ABCB9: variants seen among roughly 807,000 people sequenced by gnomAD.
ABCB9 encodes the protein ABC-type oligopeptide transporter ABCB9.
Under a neutral mutation model 62.0 loss-of-function variants are expected in ABCB9, and 36 were observed. That is an observed-to-expected ratio of 0.58 (90% CI 0.45 to 0.77). The LOEUF is 0.77. Among genes scored for constraint, ABCB9 ranks in the 30% least tolerant of loss-of-function variants. The probability of loss-of-function intolerance (pLI) is 0.00; values close to 1 mark genes in which losing one functional copy is unlikely to be tolerated. For synonymous variants in ABCB9, 435 were observed against 461.4 expected (o/e 0.94, Z 0.73); for missense variants, 943 against 1,054.7 (o/e 0.89, Z 1.47).
At chr12:122,967,297 C>T (rs1168664451), upstream of ABCB9, among the ~76,000 whole-genome samples, 8 of 152,202 alleles carry the variant, frequency 5.3e-5, no homozygotes, top group Non-Finnish European at 8.8e-5. Context: ...GGTGAGAAGG[C>T]GTGAGCCACG....
intron 2 of ABCB9, among the ~76,000 whole-genome samples, chr12:122,957,966 T>C (rs754513209): frequency 6.6e-6 from 1 of 151,072 alleles, no homozygotes; most frequent in African/African-American, 2.4e-5. Context: ...ACTCAGGAGT[T>C]TGAGACTAGC....
At chr12:122,968,110 A>C (rs78893509), upstream of ABCB9, among the ~76,000 whole-genome samples, 84 of 152,334 alleles carry the variant, frequency 5.5e-4, no homozygotes, top group African/African-American at 1.9e-3. Flanking sequence ...ATATAAAGGT[A>C]TGGAATGACC....
At chr12:122,934,007 G>A (rs1384439581) in intron 10 of ABCB9, among the ~76,000 whole-genome samples, 3 of 152,174 alleles carry the variant, frequency 2.0e-5, no homozygotes, top group Admixed American at 6.5e-5. Flanking sequence ...ACTTTGGGAA[G>A]CCAAGGCAGG....
intron 1 of ABCB9, chr12:122,974,580 T>TA (rs2135948321): frequency 6.6e-6 from 1 of 152,432 alleles, no homozygotes; most frequent in South Asian, 2.1e-4. Context: ...AGGCTCGGTC[T>TA]GCAAGAGTTG....
chr12:122,953,064 G>A (rs2036440639), intron 2 of ABCB9: 1 of 152,208 alleles, frequency 6.6e-6, no homozygotes, highest in African/African-American at 2.4e-5. Context: ...GCATGATTGA[G>A]CCGCTAGCAG....
chr12:122,937,816 C>G (rs2035537437), intron 9 of ABCB9, among the ~76,000 whole-genome samples: 1 of 151,066 alleles, frequency 6.6e-6, no homozygotes, highest in Non-Finnish European at 1.5e-5. Context: ...AAACGGTGCT[C>G]CCTTAATAGT....
intron 2 of ABCB9, among the ~76,000 whole-genome samples, chr12:122,953,483 G>T (rs1460535840): frequency 1.3e-5 from 2 of 152,158 alleles, no homozygotes; most frequent in East Asian, 1.9e-4. Flanking sequence ...TGCCACCTGG[G>T]TTCAAGTGAT....
chr12:122,960,134 G>A lies in ABCB9; in HGVS notation c.102C>T (p.Leu34=). Residue 34 remains leucine (L), a synonymous_variant, in exon 2 of 12, where the codon CTC becomes CTT. Coordinates refer to ENST00000280560, the MANE Select transcript of ABCB9 (RefSeq NM_019625.4). ...IYVFSHLDRS[L]LEDIRHFNIF... ...TGTTGAAGTGGCGGATGTCCTCCAGGAGGCTGCGGTCCAGGTGGCTGAAGA... is the reference window on the plus strand; with the variant it reads ...TGTTGAAGTGGCGGATGTCCTCCAGAAGGCTGCGGTCCAGGTGGCTGAAGA... The A allele has an allele frequency of 6.2e-7, 1 of 1,613,750 alleles. No homozygotes were observed. Among genetic ancestry groups the A allele is most frequent in the Non-Finnish European group, 8.5e-7 (1 of 1,180,042 alleles).
At position 122,944,469 on chromosome 12, in the gene ABCB9, A is replaced by T; in HGVS notation, c.1302T>A (p.Leu434=). 1 of 1,614,092 alleles carries T rather than the reference A, an allele frequency of 6.2e-7. No individual in the cohort carries two copies. Among genetic ancestry groups the T allele is most frequent in the Non-Finnish European group, 8.5e-7 (1 of 1,179,984 alleles). ...QVSILYYGGH[L]VISGQMTSGN... ...CGCTGGTCATCTGGCCTGAGATGAC[A>T]AGGTGGCCCCCGTAGTAGAGGATGC... The change falls in exon 7 of 12, where the codon CTT becomes CTA. Residue 434 remains leucine, a synonymous_variant. Coordinates refer to ENST00000280560, the MANE Select transcript of ABCB9 (RefSeq NM_019625.4). The surrounding 1 kb of genome is among the most constrained non-coding windows in gnomAD (Gnocchi z 4.9).
At chr12:122,957,983 A>C (rs1185167239) in intron 2 of ABCB9, among the ~76,000 whole-genome samples, 1 of 151,392 alleles carries the variant, frequency 6.6e-6, no homozygotes, top group Non-Finnish European at 1.5e-5. Context: ...TAGCCTGGCC[A>C]ACATGGTGAA....
intron 10 of ABCB9, among the ~76,000 whole-genome samples, chr12:122,933,668 T>C (rs1196096154): frequency 6.6e-6 from 1 of 152,114 alleles, no homozygotes; most frequent in Admixed American, 6.6e-5. Context: ...ATATTTATTA[T>C]ATCAATTAAT....
rs771431075 is a variant in ABCB9 at position 122,940,867 on chromosome 12, C to T, written c.1509G>A (p.Arg503=). 1 of 1,611,910 alleles carries T rather than the reference C, an allele frequency of 6.2e-7. No homozygotes were observed. The highest frequency in any genetic ancestry group is 1.7e-5 in the Admixed American group (1 of 59,834). The part of the protein sequence containing the change: ...GSLAPDHLEG[R]VDFENVTFTY... The stretch of plus-strand genomic sequence containing the variant: ...TGAAGGTCACATTCTCAAAGTCCAC[C>T]CGGCCCTCCAGGTGGTCGGGGGCCA... The change falls in exon 8 of 12, where the codon CGG becomes CGA. Residue 503 remains arginine (R), a synonymous_variant. Coordinates refer to ENST00000280560, the MANE Select transcript of ABCB9 (RefSeq NM_019625.4). This position sits in a 1 kb window ranked among gnomAD's most constrained non-coding sequence, Gnocchi z 4.8.
upstream of ABCB9, among the ~76,000 whole-genome samples, chr12:122,969,511 A>AG (rs1231674340): frequency 6.6e-6 from 1 of 152,216 alleles, no homozygotes; most frequent in Non-Finnish European, 1.5e-5. Flanking sequence ...GCACTTTGGG[A>AG]GGCCAAGGTG....
chr12:122,924,223 C>CAGA (rs748140099), downstream of ABCB9, among the ~76,000 whole-genome samples: 1 of 152,312 alleles, frequency 6.6e-6, no homozygotes, highest in East Asian at 1.9e-4. Flanking sequence ...CAGCCTTGGC[C>CAGA]ATTCTGCTAA....
chr12:122,936,167 A>G (rs1469561909), intron 9 of ABCB9, among the ~76,000 whole-genome samples: 1 of 152,254 alleles, frequency 6.6e-6, no homozygotes, highest in Non-Finnish European at 1.5e-5. Context: ...GATTGGTTAA[A>G]TAGTGACAGT....
Position 122,929,171 on chromosome 12 carries a change from G to C in ABCB9, c.*740C>G. The C allele has an allele frequency of 1.0e-6, 1 of 986,032 alleles. No homozygotes were observed. Among genetic ancestry groups the C allele is most frequent in the Non-Finnish European group, 1.2e-6 (1 of 830,116 alleles). The allele number at this position is 986,032 out of a possible 1,614,324, so 61.1% of individuals were successfully genotyped here. A position where few individuals can be genotyped will look rare whatever the true frequency, so the allele number is the denominator to read the frequency against. ...GCACAGGGGCGGGTGTGGGGAGGGAGGCTGCCAGCCAGGGGTGGGTGGACG... is the reference window on the plus strand; with the variant it reads ...GCACAGGGGCGGGTGTGGGGAGGGACGCTGCCAGCCAGGGGTGGGTGGACG... On this transcript the variant is annotated 3_prime_UTR_variant, in exon 12 of 12. Coordinates refer to ENST00000280560, the MANE Select transcript of ABCB9 (RefSeq NM_019625.4). The surrounding 1 kb of genome is among the most constrained non-coding windows in gnomAD (Gnocchi z 6.0).
chr12:122,933,285 G>A (rs2035287291), intron 10 of ABCB9, among the ~76,000 whole-genome samples: 1 of 152,168 alleles, frequency 6.6e-6, no homozygotes, highest in Admixed American at 6.5e-5. Flanking sequence ...AATCCGGGCT[G>A]AGCACGGTGG....
At chr12:122,923,404 A>G (rs1194597126) in intron 11 of ABCB9, among the ~76,000 whole-genome samples, 1 of 152,090 alleles carries the variant, frequency 6.6e-6, no homozygotes, top group Non-Finnish European at 1.5e-5. Flanking sequence ...TCTCCTGCTC[A>G]GCCTCCCGAG....
In ABCB9 at chr12:122,940,806, C is replaced by T. The variant is rs764399808; in HGVS notation, c.1569+1G>A. 1.3e-6 allele frequency: 2 copies of T among 1,579,774 alleles called. No individual in the cohort carries two copies. The highest frequency in any genetic ancestry group is 1.7e-6 in the Non-Finnish European group (2 of 1,155,964). ...TGGCAGGCCTCAAGCCGCGCCCTCA[C>T]CTGCAGGACCTGGGTGTGGGGCCGA... On this transcript the variant is annotated splice_donor_variant, in intron 8 of 11. Transcript: ENST00000280560. LOFTEE classifies it high-confidence loss of function. This position sits in a 1 kb window ranked among gnomAD's most constrained non-coding sequence, Gnocchi z 4.8.
Sources: allele counts gnomAD v4.1 joint callset (sites outside exome capture counted in the v4.1 genomes callset), GRCh38; gene constraint gnomAD v4.1.1; non-coding constraint Gnocchi (gnomAD v3.1); transcripts MANE v1.5; gene names NCBI Gene and HGNC (gene_info 2026-07-23, HGNC 2026-07-21).